ZNF487: variants seen among roughly 807,000 people sequenced by gnomAD.
ZNF487 encodes KRAB domain only 1.
Under a neutral mutation model 3.0 loss-of-function variants are expected in ZNF487, and 4 were observed. The ratio of observed to expected loss-of-function variants is 1.35; its 90% confidence interval spans 0.66 to 3.08. The LOEUF (loss-of-function observed/expected upper bound fraction) is 3.08. Among genes scored for constraint, ZNF487 ranks in the 30% most tolerant of loss-of-function variants. The probability of loss-of-function intolerance (pLI) is 0.01; values close to 1 mark genes in which losing one functional copy is unlikely to be tolerated. For synonymous variants in ZNF487, 55 were observed against 34.6 expected (o/e 1.59, Z -2.06); for missense variants, 146 against 98.7 (o/e 1.48, Z -2.03).
intron 1 of ZNF487, among the ~76,000 whole-genome samples, chr10:43,444,218 T>G (rs1035215374): frequency 3.3e-5 from 5 of 152,122 alleles, no homozygotes; most frequent in African/African-American, 1.2e-4. Context: ...CAGATTTTCT[T>G]AGGCTTTTAA....
At chr10:43,460,380 C>CTTTTTTT (rs199998705) in intron 1 of ZNF487, among the ~76,000 whole-genome samples, 19 of 121,112 alleles carry the variant, frequency 1.6e-4, no homozygotes, top group African/African-American at 3.2e-4. Context: ...TTCTTTCTTT[C>CTTTTTTT]TTTTTTTTTT....
At chr10:43,503,466 A>T in the ZNF487 span, among the ~76,000 whole-genome samples, 1 of 152,180 alleles carries the variant, frequency 6.6e-6, no homozygotes, top group Non-Finnish European at 1.5e-5. Context: ...CAAGTGTACA[A>T]TGTTTATAAA....
downstream of ZNF487, among the ~76,000 whole-genome samples, chr10:43,483,812 A>G (rs1485150223): frequency 6.7e-6 from 1 of 149,834 alleles, no homozygotes; most frequent in East Asian, 2.0e-4. Context: ...ACAGGTGTGA[A>G]CCACCATGCC....
chr10:43,465,050 A>C (rs1281174938), intron 1 of ZNF487, among the ~76,000 whole-genome samples: 31 of 113,278 alleles, frequency 2.7e-4, no homozygotes, highest in East Asian at 5.4e-4. Context: ...CGGGGGGCTG[A>C]CCCCCCCCAC....
the ZNF487 span, among the ~76,000 whole-genome samples, chr10:43,498,097 A>C: frequency 2.0e-4 from 2 of 10,050 alleles, no homozygotes; most frequent in Non-Finnish European, 3.4e-4. Flanking sequence ...ATATATATAT[A>C]TATTTTTTTT....
chr10:43,441,226 C>T (rs904531331), intron 1 of ZNF487, among the ~76,000 whole-genome samples: 2 of 151,256 alleles, frequency 1.3e-5, no homozygotes, highest in African/African-American at 2.4e-5. Flanking sequence ...CTTGGCCTCC[C>T]AAAGTGCTGG....
chr10:43,438,968 G>A lies in ZNF487; in HGVS notation c.-94+1706G>A, dbSNP rs553576729. ...CAAAAATTAGCTGGGCAGGCCGGGC[G>A]CGGTGTCTCACGCCTGTAGTCCCAG... is the stretch of plus-strand genomic sequence containing the variant. On this transcript the variant is annotated intron_variant, in intron 1 of 3. Transcript: ENST00000437590. 1.0e-3 allele frequency among the ~76,000 whole-genome samples: 158 copies of A among 152,172 alleles called. 1 individual carries two copies. The highest frequency in any genetic ancestry group is 3.4e-3 in the African/African-American group (141 of 41,524).
intron 1 of ZNF487, among the ~76,000 whole-genome samples, chr10:43,474,857 A>G (rs963093406): frequency 2.0e-5 from 3 of 152,008 alleles, no homozygotes; most frequent in Non-Finnish European, 4.4e-5. Context: ...TGCTGGGATT[A>G]TAGGCATGAG....
intron 1 of ZNF487, among the ~76,000 whole-genome samples, chr10:43,455,092 T>C (rs1338633363): frequency 6.7e-6 from 1 of 148,426 alleles, no homozygotes; most frequent in African/African-American, 2.5e-5. Context: ...CACTGCAAGC[T>C]CCGCCTCCCG....
At chr10:43,464,295 G>T (rs971263438) in intron 1 of ZNF487, among the ~76,000 whole-genome samples, 12 of 150,940 alleles carry the variant, frequency 8.0e-5, no homozygotes, top group African/African-American at 2.7e-4. Context: ...TGATTCTTCT[G>T]TCTCAGCCTC....
At chr10:43,500,910 C>CA in the ZNF487 span, among the ~76,000 whole-genome samples, 1 of 152,278 alleles carries the variant, frequency 6.6e-6, no homozygotes, top group South Asian at 2.1e-4. Flanking sequence ...TTGAAATTGT[C>CA]ACGCTCTCTA....
At chr10:43,463,731 C>T (rs1840529263) in intron 1 of ZNF487, among the ~76,000 whole-genome samples, 1 of 118,348 alleles carries the variant, frequency 8.4e-6, no homozygotes, top group Admixed American at 8.6e-5. Context: ...TTTTTTTTAG[C>T]ATGTGCTCAT....
chr10:43,470,648 G>A (rs1840874541), intron 1 of ZNF487, among the ~76,000 whole-genome samples: 1 of 151,938 alleles, frequency 6.6e-6, no homozygotes, highest in African/African-American at 2.4e-5. Flanking sequence ...GCCTTCCAAA[G>A]TGCTGGGATT....
intron 1 of ZNF487, among the ~76,000 whole-genome samples, chr10:43,447,345 T>C (rs972831382): frequency 6.6e-6 from 1 of 151,940 alleles, no homozygotes; most frequent in Non-Finnish European, 1.5e-5. Flanking sequence ...CGGATTCAAG[T>C]GATTCTCCTG....
intron 1 of ZNF487, among the ~76,000 whole-genome samples, chr10:43,470,428 G>GGT (rs2132121593): frequency 6.6e-6 from 1 of 152,294 alleles, no homozygotes; most frequent in East Asian, 1.9e-4. Flanking sequence ...TTGTTGCCCA[G>GGT]GCTGGAGTGC....
intron 1 of ZNF487, among the ~76,000 whole-genome samples, chr10:43,441,600 C>T (rs540225030): frequency 1.4e-3 from 123 of 88,828 alleles, no homozygotes; most frequent in African/African-American, 5.2e-3. Flanking sequence ...GCCATGTTGC[C>T]CCAGCTAGTC....
At chr10:43,485,134 C>T (rs1841461419), downstream of ZNF487, among the ~76,000 whole-genome samples, 1 of 152,180 alleles carries the variant, frequency 6.6e-6, no homozygotes, top group South Asian at 2.1e-4. Flanking sequence ...TTACTCTTCA[C>T]ATTTTTCCAA....
chr10:43,460,551 AT>A lies in ZNF487; in HGVS notation c.-93-15165del, dbSNP rs1370128486. Among the ~76,000 whole-genome samples, 12 of 148,240 alleles carry A rather than the reference AT, an allele frequency of 8.1e-5. No individual in the cohort carries two copies. The East Asian group carries it at 2.2e-3, about 27-fold the overall frequency. ...CCACCATGCCCAGCTAATTTTTTGT[AT>A]TTTTAGTAGATATGGGGTTTCACCA... On this transcript the variant is annotated intron_variant, in intron 1 of 3. Transcript: ENST00000437590.
At chr10:43,489,348 T>C in the ZNF487 span, among the ~76,000 whole-genome samples, 1 of 152,048 alleles carries the variant, frequency 6.6e-6, no homozygotes, top group East Asian at 1.9e-4. Flanking sequence ...CATTTATTTA[T>C]TTATTTATTT....
Sources: allele counts gnomAD v4.1 joint callset (sites outside exome capture counted in the v4.1 genomes callset), GRCh38; gene constraint gnomAD v4.1.1; transcripts MANE v1.5; gene names NCBI Gene and HGNC (gene_info 2026-07-23, HGNC 2026-07-21).